BRF1: variants seen among roughly 807,000 people sequenced by gnomAD.
BRF1 encodes the protein transcription factor IIIB 90 kDa subunit.
BRF1 carries 59 observed loss-of-function variants against 81.7 expected under a neutral mutation model. That is an observed-to-expected ratio of 0.72 (90% CI 0.59 to 0.90). The LOEUF (loss-of-function observed/expected upper bound fraction) is 0.90, where lower values mean the gene tolerates loss of function less well. Ranked by LOEUF, BRF1 falls within the 40% of genes least tolerant of loss-of-function variation. The pLI, the probability that BRF1 is intolerant of heterozygous loss-of-function variation, is 0.00. For missense variants in BRF1, 1,050 were observed against 936.3 expected (o/e 1.12, Z -1.58); for synonymous variants, 491 against 395.6 (o/e 1.24, Z -2.86).
intron 3 of BRF1, among the ~76,000 whole-genome samples, chr14:105,261,285 G>A (rs2056138917): frequency 6.6e-6 from 1 of 152,218 alleles, no homozygotes; most frequent in Non-Finnish European, 1.5e-5. Flanking sequence ...AGACATTCCT[G>A]AGTGCGGCAG....
intron 15 of BRF1, among the ~76,000 whole-genome samples, chr14:105,216,721 G>A (rs1202095196): frequency 1.3e-5 from 2 of 152,326 alleles, no homozygotes; most frequent in African/African-American, 2.4e-5. Flanking sequence ...CGGGGCTGCC[G>A]AGAGTCAGCA....
intron 3 of BRF1, among the ~76,000 whole-genome samples, chr14:105,265,845 G>A (rs2056386931): frequency 6.7e-6 from 1 of 148,302 alleles, no homozygotes; most frequent in Admixed American, 6.8e-5. Context: ...AGCTTGTAGT[G>A]AGCTGAGATC....
intron 15 of BRF1, 77 bp downstream of exon 15, chr14:105,217,467 C>T: frequency 1.3e-6 from 2 of 1,565,984 alleles, no homozygotes; most frequent in South Asian, 1.2e-5. Flanking sequence ...CCCCCGGCAG[C>T]TCCAGGACCC....
chr14:105,302,720 G>T (rs1258740747), upstream of BRF1, among the ~76,000 whole-genome samples: 5 of 152,142 alleles, frequency 3.3e-5, no homozygotes. Flanking sequence ...CGAGTAGCTG[G>T]AACTACAGGC....
chr14:105,221,941 C>T (rs746139242), intron 10 of BRF1, 27 bp from the exon 11 acceptor site: 16 of 1,542,536 alleles, frequency 1.0e-5, no homozygotes, highest in Non-Finnish European at 1.4e-5. Context: ...CACCTGTTAA[C>T]CAGGCAGAGG....
chr14:105,269,104 G>A lies in BRF1; in HGVS notation c.439+3617C>T, dbSNP rs373425483. ...AAGGAGGGCGGTGAGAGACGGAGAC[G>A]TGTCCAGGATGGGTCTGGGGGCTCT... On this transcript the variant is annotated intron_variant, in intron 3 of 17. Transcript: ENST00000547530. This position sits in a 1 kb window ranked among gnomAD's most constrained non-coding sequence, Gnocchi z 5.0. Among the ~76,000 whole-genome samples the A allele has an allele frequency of 1.3e-4, 20 of 152,284 alleles. No homozygotes were observed. The South Asian group carries it at 2.7e-3, about 20-fold the overall frequency.
intron 5 of BRF1, among the ~76,000 whole-genome samples, chr14:105,242,759 A>G (rs1245113731): frequency 1.3e-5 from 2 of 151,164 alleles, no homozygotes; most frequent in African/African-American, 4.8e-5. Flanking sequence ...AAAAAAAAAA[A>G]AAAAAGATAC....
chr14:105,286,807 C>G (rs895846749), intron 1 of BRF1, among the ~76,000 whole-genome samples: 2 of 152,214 alleles, frequency 1.3e-5, no homozygotes, highest in Non-Finnish European at 2.9e-5. Context: ...CTAACCATGT[C>G]CCTAACACAC....
chr14:105,215,926 A>G (rs984309061), intron 15 of BRF1, among the ~76,000 whole-genome samples: 14 of 148,800 alleles, frequency 9.4e-5, no homozygotes, highest in African/African-American at 3.5e-4. Context: ...GCAGACAGGC[A>G]CACACACACT....
At chr14:105,246,623 A>AT (rs2055129328) in intron 5 of BRF1, among the ~76,000 whole-genome samples, 1 of 149,632 alleles carries the variant, frequency 6.7e-6, no homozygotes, top group Non-Finnish European at 1.5e-5. Flanking sequence ...GTGCCCGTTA[A>AT]TTTTTGTATT....
At chr14:105,249,390 T>A in intron 5 of BRF1, 1 of 1,613,094 alleles carries the variant, frequency 6.2e-7, no homozygotes, top group Non-Finnish European at 8.5e-7. Flanking sequence ...CTCCGTCTTC[T>A]ATGCCATGTT....
Position 105,281,519 on chromosome 14 carries a change from G to A in BRF1, c.265+4777C>T, listed in dbSNP as rs587662065. 4.0e-5 allele frequency among the ~76,000 whole-genome samples: 6 copies of A among 150,546 alleles called. No homozygotes were observed. In the South Asian group the frequency reaches 1.3e-3, roughly 32 times the overall value. On this transcript the variant is annotated intron_variant, in intron 2 of 17. Transcript: ENST00000547530. Reference sequence around the variant, plus strand: ...TACAGCCTGCGTGACCCTGAGCCCGGGTGTGTGGACAGAGCCTGCGTGATC... The same window carrying A: ...TACAGCCTGCGTGACCCTGAGCCCGAGTGTGTGGACAGAGCCTGCGTGATC...
At chr14:105,228,732 G>A in intron 7 of BRF1, 88 bp downstream of exon 7, 2 of 1,454,874 alleles carry the variant, frequency 1.4e-6, no homozygotes, top group Non-Finnish European at 1.9e-6. Context: ...CAGGGTCCCG[G>A]GAGGTGGCGC....
chr14:105,218,851 G>A, intron 14 of BRF1, 147 bp downstream of exon 14: 1 of 1,161,096 alleles, frequency 8.6e-7, no homozygotes. Flanking sequence ...AAGGACGTGG[G>A]TCTGGGGTCC....
chr14:105,222,777 C>T (rs900763032), intron 10 of BRF1, among the ~76,000 whole-genome samples: 11 of 152,152 alleles, frequency 7.2e-5, no homozygotes, highest in African/African-American at 1.9e-4. Context: ...TACAGGCGCC[C>T]GCCACCACAC....
At chr14:105,222,776 C>G (rs867857613) in intron 10 of BRF1, among the ~76,000 whole-genome samples, 4 of 152,238 alleles carry the variant, frequency 2.6e-5, no homozygotes, top group South Asian at 4.1e-4. Flanking sequence ...CTACAGGCGC[C>G]CGCCACCACA....
At chr14:105,256,217 A>C in intron 4 of BRF1, 1 of 1,536,382 alleles carries the variant, frequency 6.5e-7, no homozygotes, top group Non-Finnish European at 8.7e-7. Flanking sequence ...ATTGAAAATA[A>C]TCTCCTTTGT....
At chr14:105,217,297 C>G in intron 15 of BRF1, 1 of 614,358 alleles carries the variant, frequency 1.6e-6, no homozygotes, top group Non-Finnish European at 2.8e-6. Context: ...AAAACAGAGC[C>G]TAGGCTGCAG....
rs929591255 is a variant in BRF1, at chr14:105,309,808, C to T, written c.-162+5514G>A. On this transcript the variant is annotated intron_variant, in intron 1 of 17. Coordinates refer to the BRF1 transcript ENST00000327359. This position sits in a 1 kb window ranked among gnomAD's most constrained non-coding sequence, Gnocchi z 4.0. ...TTTTTTTTTTTTTTTTTTTTTTAGA[C>T]GGAGTCTCACTCTCTTGCCCAGGCA... Among the ~76,000 whole-genome samples the T allele has an allele frequency of 7.4e-5, 8 of 107,998 alleles. No homozygotes were observed. The highest frequency in any genetic ancestry group is 3.0e-4 in the South Asian group (1 of 3,366). The allele number at this position is 107,998 out of a possible 152,430, so 70.9% of individuals were successfully genotyped here.
Sources: allele counts gnomAD v4.1 joint callset (sites outside exome capture counted in the v4.1 genomes callset), GRCh38; gene constraint gnomAD v4.1.1; non-coding constraint Gnocchi (gnomAD v3.1); transcripts MANE v1.5; gene names NCBI Gene and HGNC (gene_info 2026-07-23, HGNC 2026-07-21).